The following CDH12 variants were observed in gnomAD, a reference collection of about 807,000 sequenced individuals.
CDH12 encodes cadherin 12, also known as cadherin-12.
CDH12 carries 41 observed loss-of-function variants against 74.1 expected under a neutral mutation model. The ratio of observed to expected loss-of-function variants is 0.55; its 90% CI spans 0.43 to 0.72. The LOEUF (loss-of-function observed/expected upper bound fraction) is 0.72. Ranked by LOEUF, CDH12 falls within the 30% of genes least tolerant of loss-of-function variation. The probability of loss-of-function intolerance (pLI) is 0.00; values close to 1 mark genes in which losing one functional copy is unlikely to be tolerated. For synonymous variants in CDH12, 399 were observed against 355.0 expected (o/e 1.12, Z -1.39); for missense variants, 945 against 977.2 (o/e 0.97, Z 0.44).
intron 5 of CDH12, among the ~76,000 whole-genome samples, chr5:21,995,047 G>A (rs556334160): frequency 2.6e-5 from 4 of 152,196 alleles, no homozygotes; most frequent in African/African-American, 9.6e-5. Context: ...GTGAGGGTCT[G>A]CCGCTTCACA....
At chr5:22,475,051 G>T (rs939788649) in intron 2 of CDH12, among the ~76,000 whole-genome samples, 4 of 150,572 alleles carry the variant, frequency 2.7e-5, no homozygotes, top group Non-Finnish European at 5.9e-5. Flanking sequence ...ACTAGAGGGG[G>T]TGTTTGCATA....
At chr5:21,814,031 A>C (rs972966919) in intron 9 of CDH12, among the ~76,000 whole-genome samples, 1 of 152,080 alleles carries the variant, frequency 6.6e-6, no homozygotes. Context: ...GCTGCTTCCA[A>C]AATACCTGTT....
At chr5:22,173,240 TATA>T (rs1195983671) in intron 4 of CDH12, among the ~76,000 whole-genome samples, 3 of 147,388 alleles carry the variant, frequency 2.0e-5, no homozygotes, top group African/African-American at 2.5e-5. Flanking sequence ...TGATTTGTTA[TATA>T]ATTATATAAT....
At chr5:22,827,044 C>T (rs961733229) in intron 1 of CDH12, among the ~76,000 whole-genome samples, 4 of 152,188 alleles carry the variant, frequency 2.6e-5, no homozygotes, top group East Asian at 1.9e-4. Context: ...CAGCCCCTCC[C>T]GTTACAGGCC....
At chr5:21,929,829 T>C (rs1754754083) in intron 6 of CDH12, among the ~76,000 whole-genome samples, 1 of 152,034 alleles carries the variant, frequency 6.6e-6, no homozygotes, top group African/African-American at 2.4e-5. Flanking sequence ...ATAAGATATT[T>C]TGAAAGACAA....
chr5:22,047,369 T>C (rs905448446), intron 5 of CDH12, among the ~76,000 whole-genome samples: 2 of 152,194 alleles, frequency 1.3e-5, no homozygotes, highest in Non-Finnish European at 2.9e-5. Context: ...AATTTTGTTT[T>C]TGCTACCACA....
intron 6 of CDH12, among the ~76,000 whole-genome samples, chr5:21,939,509 A>C (rs1188741294): frequency 6.6e-6 from 1 of 152,002 alleles, no homozygotes; most frequent in African/African-American, 2.4e-5. Context: ...TACTTAAACT[A>C]ACTTCCTTTT....
At chr5:22,392,268 A>AT in intron 3 of CDH12, among the ~76,000 whole-genome samples, 1 of 152,186 alleles carries the variant, frequency 6.6e-6, no homozygotes, top group South Asian at 2.1e-4. Flanking sequence ...GTGTTGGTTA[A>AT]TTTTACTCTA....
At chr5:22,331,953 A>C (rs1331830900) in intron 3 of CDH12, among the ~76,000 whole-genome samples, 1 of 152,192 alleles carries the variant, frequency 6.6e-6, no homozygotes, top group East Asian at 1.9e-4. Flanking sequence ...GCTATTTGAA[A>C]ATACACTATC....
At position 22,409,793 on chromosome 5, in the gene CDH12, T is replaced by G. The variant is rs112876787; in HGVS notation, c.-427-4442A>C. 3.1e-3 allele frequency among the ~76,000 whole-genome samples: 468 copies of G among 152,154 alleles called. 6 individuals are homozygous for G. The highest frequency in any genetic ancestry group is 0.011 in the African/African-American group (451 of 41,538). On this transcript the variant is annotated intron_variant, in intron 2 of 14. Coordinates refer to ENST00000382254, the MANE Select transcript of CDH12 (RefSeq NM_004061.5). ...GGATAGGCTAAAGCCTTCTTACCAC[T>G]CCTACCCCATGACTAGTGGTCAGCC... is the stretch of plus-strand genomic sequence containing the variant.
At chr5:22,078,285 C>T (rs1382410759) in intron 5 of CDH12, among the ~76,000 whole-genome samples, 161 bp downstream of exon 5, 1 of 152,000 alleles carries the variant, frequency 6.6e-6, no homozygotes, top group African/African-American at 2.4e-5. Context: ...CTGAAGCTTA[C>T]CCGGGCCATT....
chr5:22,195,774 C>A (rs935842981), intron 4 of CDH12, among the ~76,000 whole-genome samples: 3 of 152,172 alleles, frequency 2.0e-5, no homozygotes, highest in Non-Finnish European at 4.4e-5. Flanking sequence ...CAAAAGAGAG[C>A]ATGTTTTGCC....
intron 8 of CDH12, among the ~76,000 whole-genome samples, chr5:21,819,865 G>A (rs777567385): frequency 6.6e-6 from 1 of 152,024 alleles, no homozygotes; most frequent in Non-Finnish European, 1.5e-5. Flanking sequence ...CTCACTTAAA[G>A]AGCTGGGGAC....
At chr5:22,110,780 G>T (rs1004946727) in intron 4 of CDH12, among the ~76,000 whole-genome samples, 4 of 152,074 alleles carry the variant, frequency 2.6e-5, no homozygotes, top group African/African-American at 4.8e-5. Flanking sequence ...CAGATTTCAG[G>T]CTCCTCTATC....
At chr5:22,596,928 T>C (rs1182164561) in intron 1 of CDH12, among the ~76,000 whole-genome samples, 2 of 152,308 alleles carry the variant, frequency 1.3e-5, no homozygotes, top group African/African-American at 4.8e-5. Flanking sequence ...CACATTGAAA[T>C]GGATGAAATA....
intron 11 of CDH12, among the ~76,000 whole-genome samples, chr5:21,776,349 A>C (rs1455131844): frequency 6.6e-6 from 1 of 152,212 alleles, no homozygotes; most frequent in Non-Finnish European, 1.5e-5. Context: ...TCCTAACTGT[A>C]AAATAATACA....
At chr5:21,986,405 C>T (rs964990385) in intron 5 of CDH12, among the ~76,000 whole-genome samples, 4 of 152,138 alleles carry the variant, frequency 2.6e-5, no homozygotes, top group Admixed American at 6.6e-5. Context: ...CTTTAGCTCA[C>T]TCCAATTATA....
At chr5:22,531,057 AT>A (rs1304578744) in intron 1 of CDH12, among the ~76,000 whole-genome samples, 1 of 152,054 alleles carries the variant, frequency 6.6e-6, no homozygotes, top group Non-Finnish European at 1.5e-5. Flanking sequence ...GCTATGCATG[AT>A]TTTTTGGGGA....
At chr5:22,143,713 T>C (rs889682297) in intron 4 of CDH12, 1 of 152,126 alleles carries the variant, frequency 6.6e-6, no homozygotes, top group Non-Finnish European at 1.5e-5. Context: ...TGTTTTTGAC[T>C]CTTTAAAAAT....
Sources: allele counts gnomAD v4.1 joint callset (sites outside exome capture counted in the v4.1 genomes callset), GRCh38; gene constraint gnomAD v4.1.1; transcripts MANE v1.5; gene names NCBI Gene and HGNC (gene_info 2026-07-23, HGNC 2026-07-21).